TMEFF2: variants seen among roughly 807,000 people sequenced by gnomAD.
TMEFF2 encodes the protein tomoregulin-2.
In TMEFF2, 28 loss-of-function variants were observed where a neutral mutation model predicts 53.8. The observed-to-expected ratio is 0.52, with a 90% CI of 0.39 to 0.71. TMEFF2 has a LOEUF of 0.71. Among genes scored for constraint, TMEFF2 ranks in the 30% least tolerant of loss-of-function variants. The probability of loss-of-function intolerance (pLI) is 0.00; values close to 1 mark genes in which losing one functional copy is unlikely to be tolerated. For synonymous variants in TMEFF2, 162 were observed against 166.3 expected (o/e 0.97, Z 0.20); for missense variants, 353 against 455.2 (o/e 0.78, Z 2.04).
intron 7 of TMEFF2, among the ~76,000 whole-genome samples, chr2:191,964,734 C>G (rs1317690889): frequency 6.6e-6 from 1 of 152,050 alleles, no homozygotes; most frequent in Non-Finnish European, 1.5e-5. Context: ...GCACTCACCT[C>G]TCCTCATTCT....
At chr2:191,968,747 G>T (rs906971781) in intron 7 of TMEFF2, among the ~76,000 whole-genome samples, 2 of 152,150 alleles carry the variant, frequency 1.3e-5, no homozygotes, top group African/African-American at 4.8e-5. Flanking sequence ...GCATTATGTA[G>T]TGCTTCTAGA....
chr2:191,964,428 C>A lies in TMEFF2; in HGVS notation c.746-8050G>T, dbSNP rs142091030. Among the ~76,000 whole-genome samples, 195 of 122,628 alleles carry A rather than the reference C, an allele frequency of 1.6e-3. 4 individuals carry two copies. The East Asian group carries it at 0.038, about 24-fold the overall frequency. 80.4% of individuals were successfully genotyped at this position (122,628 alleles called of 152,430 possible). On this transcript the variant is annotated intron_variant, in intron 7 of 9. Transcript: ENST00000272771. Reference sequence around the variant, plus strand: ...TCTTTCTTTCTTTCTTTCTTTCTTTCTTTCTTTCTGCCTTTTAACCCATGT... The same window carrying A: ...TCTTTCTTTCTTTCTTTCTTTCTTTATTTCTTTCTGCCTTTTAACCCATGT...
chr2:192,078,833 G>T (rs1183664731), intron 4 of TMEFF2, among the ~76,000 whole-genome samples: 1 of 152,134 alleles, frequency 6.6e-6, no homozygotes, highest in African/African-American at 2.4e-5. Flanking sequence ...GACACTCACT[G>T]CTCTGATACA....
At chr2:192,004,302 CAGTT>C (rs963743366) in intron 5 of TMEFF2, among the ~76,000 whole-genome samples, 46 of 152,274 alleles carry the variant, frequency 3.0e-4, no homozygotes, top group African/African-American at 9.6e-4. Flanking sequence ...AGGAAACAAA[CAGTT>C]AGTAATCTTG....
chr2:192,012,926 A>G (rs1313732796), intron 5 of TMEFF2, among the ~76,000 whole-genome samples: 1 of 152,212 alleles, frequency 6.6e-6, no homozygotes, highest in Admixed American at 6.5e-5. Flanking sequence ...CTAGTCCACA[A>G]TTAGGATACT....
At chr2:192,125,194 T>A (rs1361227838) in intron 4 of TMEFF2, among the ~76,000 whole-genome samples, 4 of 152,194 alleles carry the variant, frequency 2.6e-5, no homozygotes, top group Non-Finnish European at 5.9e-5. Flanking sequence ...TCCCAAAGGT[T>A]TGTGAAATTT....
chr2:192,083,575 T>C (rs1291758440), intron 4 of TMEFF2, among the ~76,000 whole-genome samples: 1 of 151,974 alleles, frequency 6.6e-6, no homozygotes, highest in Non-Finnish European at 1.5e-5. Context: ...TAATTTGGCA[T>C]GCATATGGAG....
chr2:192,035,616 T>C (rs1210086376), intron 5 of TMEFF2, among the ~76,000 whole-genome samples: 1 of 152,204 alleles, frequency 6.6e-6, no homozygotes, highest in Non-Finnish European at 1.5e-5. Flanking sequence ...AGTAAATATT[T>C]TCTGTCATTA....
intron 8 of TMEFF2, among the ~76,000 whole-genome samples, chr2:191,955,167 GAGAGAGGGAGAGAGA>G (rs1559058807): frequency 1.5e-3 from 69 of 45,090 alleles, no homozygotes; most frequent in African/African-American, 3.6e-3. Flanking sequence ...AAGAGTGGGA[GAGAGAGGGAGAGAGA>G]GAGAGAGAGA....
intron 7 of TMEFF2, among the ~76,000 whole-genome samples, chr2:191,967,607 T>A (rs1237424853): frequency 6.6e-6 from 1 of 152,112 alleles, no homozygotes; most frequent in Non-Finnish European, 1.5e-5. Context: ...GCAAATAGTG[T>A]GCAGCCTGGT....
At chr2:192,089,527 G>A (rs960090913) in intron 4 of TMEFF2, among the ~76,000 whole-genome samples, 1 of 152,012 alleles carries the variant, frequency 6.6e-6, no homozygotes, top group Admixed American at 6.6e-5. Flanking sequence ...TAGAATCTTT[G>A]ACAGTCTTCA....
intron 7 of TMEFF2, among the ~76,000 whole-genome samples, chr2:191,959,428 C>A (rs1692202340): frequency 6.6e-6 from 1 of 152,216 alleles, no homozygotes; most frequent in Non-Finnish European, 1.5e-5. Flanking sequence ...TTGAAGTGGG[C>A]TGTTCTATAG....
chr2:191,954,978 C>T (rs1454353171), intron 8 of TMEFF2, among the ~76,000 whole-genome samples: 1 of 151,990 alleles, frequency 6.6e-6, no homozygotes, highest in Non-Finnish European at 1.5e-5. Context: ...TTTTTTCTCT[C>T]CATCAGGAAG....
intron 4 of TMEFF2, among the ~76,000 whole-genome samples, chr2:192,085,169 T>C (rs13393294): frequency 0.12 from 18,139 of 152,052 alleles, 1,329 homozygotes; most frequent in East Asian, 0.36. Flanking sequence ...TAAATTTACA[T>C]GATGTTAATA....
intron 4 of TMEFF2, among the ~76,000 whole-genome samples, chr2:192,061,238 G>T (rs574096445): frequency 1.0e-3 from 155 of 152,212 alleles, no homozygotes; most frequent in African/African-American, 3.6e-3. Flanking sequence ...GGTAAGCATT[G>T]TAATTCACTC....
intron 3 of TMEFF2, 139 bp downstream of exon 3, chr2:192,184,215 A>G: frequency 8.9e-7 from 1 of 1,126,192 alleles, no homozygotes; most frequent in Non-Finnish European, 1.3e-6. Context: ...AAGAATAACA[A>G]ATGTTTTGAA....
intron 5 of TMEFF2, among the ~76,000 whole-genome samples, chr2:192,023,958 T>C (rs1317326542): frequency 3.3e-5 from 5 of 152,194 alleles, no homozygotes; most frequent in African/African-American, 9.6e-5. Context: ...ATAGAGTGTT[T>C]CTTCTGGAAT....
chr2:192,008,729 C>T (rs1001946942), intron 5 of TMEFF2, among the ~76,000 whole-genome samples: 1 of 152,182 alleles, frequency 6.6e-6, no homozygotes, highest in African/African-American at 2.4e-5. Flanking sequence ...TTCCCACTTG[C>T]TGCATTCTGT....
chr2:191,972,903 T>C (rs1490086788), intron 7 of TMEFF2, among the ~76,000 whole-genome samples: 2 of 152,174 alleles, frequency 1.3e-5, no homozygotes, highest in Non-Finnish European at 2.9e-5. Context: ...GTAGAATTGA[T>C]GTTAACTGGA....
Sources: allele counts gnomAD v4.1 joint callset (sites outside exome capture counted in the v4.1 genomes callset), GRCh38; gene constraint gnomAD v4.1.1; transcripts MANE v1.5; gene names NCBI Gene and HGNC (gene_info 2026-07-23, HGNC 2026-07-21).